Variants in SEMA6A observed in about 807,000 individuals in gnomAD.
SEMA6A encodes the protein semaphorin-6A.
A neutral mutation model predicts 96.8 loss-of-function variants in SEMA6A; 25 were observed. The observed-to-expected ratio is 0.26, with a 90% CI of 0.19 to 0.36. SEMA6A has a LOEUF of 0.36. SEMA6A is among the 10% of genes least tolerant of loss of function. The pLI is 1.00. For missense variants in SEMA6A, 1,363 were observed against 1,323.1 expected (o/e 1.03, Z -0.47); for synonymous variants, 612 against 518.0 (o/e 1.18, Z -2.46).
intron 9 of SEMA6A, among the ~76,000 whole-genome samples, chr5:116,487,818 T>G (rs180801854): frequency 5.3e-5 from 8 of 152,228 alleles, no homozygotes; most frequent in Non-Finnish European, 1.2e-4. Flanking sequence ...GAGCCGAGAT[T>G]GTACCACTGC....
intron 11 of SEMA6A, 56 bp downstream of exon 11, chr5:116,482,388 G>T: frequency 6.4e-7 from 1 of 1,564,822 alleles, no homozygotes; most frequent in Non-Finnish European, 8.7e-7. Context: ...ATTATCAGAG[G>T]TGCAAGCTTT....
intron 6 of SEMA6A, among the ~76,000 whole-genome samples, chr5:116,493,393 GGGCTAGACT>G (rs1757427944): frequency 1.3e-5 from 2 of 152,012 alleles, no homozygotes; most frequent in South Asian, 4.2e-4. Flanking sequence ...AGTAAATGCT[GGGCTAGACT>G]GGCTACCTCT....
chr5:116,446,115 T>C lies in SEMA6A; in HGVS notation c.*498A>G, dbSNP rs1215531397. On this transcript the variant is annotated 3_prime_UTR_variant, in exon 19 of 19. Transcript: ENST00000343348. ...AATTATCAATGAATTCTTTTTTTTT[T>C]GTCTTTTTAAATTTTCTTGATTTTA... The C allele has an allele frequency of 2.0e-5, 3 of 152,854 alleles. No homozygotes were observed. The allele number at this position is 152,854 out of a possible 1,614,324, so 9.5% of individuals were successfully genotyped here.
At chr5:116,562,510 C>CA in intron 1 of SEMA6A, 1 of 483,530 alleles carries the variant, frequency 2.1e-6, no homozygotes, top group Non-Finnish European at 3.9e-6. Flanking sequence ...TACTTTTAAT[C>CA]AAAAATAAGG....
At chr5:116,489,124 G>T (rs1757208104) in intron 7 of SEMA6A, 117 bp from the exon 8 acceptor site, 8 of 1,183,078 alleles carry the variant, frequency 6.8e-6, no homozygotes, top group South Asian at 2.0e-5. Context: ...TAGCACAACT[G>T]GGAAAAATCC....
rs1353827658 is a variant in SEMA6A at position 116,445,361 on chromosome 5, C to T, written c.*1252G>A. 1 of 152,614 alleles carries T rather than the reference C, an allele frequency of 6.6e-6. No homozygotes were observed. Among genetic ancestry groups the T allele is most frequent in the Non-Finnish European group, 1.5e-5 (1 of 68,044 alleles). 9.5% of individuals were successfully genotyped at this position (152,614 alleles called of 1,614,324 possible). On this transcript the variant is annotated 3_prime_UTR_variant, in exon 19 of 19. Coordinates refer to ENST00000343348, the MANE Select transcript of SEMA6A (RefSeq NM_020796.5). ...CACAGATGTAACCCCACGAAGAACC[C>T]GTGTGATCAAATCATTAATTTATGC...
intron 1 of SEMA6A, among the ~76,000 whole-genome samples, chr5:116,512,317 A>G (rs1758445091): frequency 6.6e-6 from 1 of 152,218 alleles, no homozygotes; most frequent in African/African-American, 2.4e-5. Flanking sequence ...CGGGCAAATG[A>G]GAAAAATAGC....
intron 17 of SEMA6A, chr5:116,471,571 G>A (rs551483495): frequency 1.6e-4 from 25 of 152,272 alleles, no homozygotes; most frequent in African/African-American, 6.0e-4. Context: ...TTTGCCTTCT[G>A]AGCAATTTTT....
At chr5:116,451,341 T>C (rs375041654) in intron 18 of SEMA6A, among the ~76,000 whole-genome samples, 2 of 152,178 alleles carry the variant, frequency 1.3e-5, no homozygotes, top group African/African-American at 4.8e-5. Flanking sequence ...TTGGATTCCA[T>C]TTGCTATTGG....
intron 1 of SEMA6A, among the ~76,000 whole-genome samples, chr5:116,548,688 C>G (rs1760283484): frequency 1.3e-5 from 2 of 152,120 alleles, no homozygotes; most frequent in Admixed American, 1.3e-4. Context: ...CAGATTAGAC[C>G]AAGTCAACAG....
intron 1 of SEMA6A, among the ~76,000 whole-genome samples, chr5:116,561,110 C>T (rs556656183): frequency 1.3e-5 from 2 of 152,290 alleles, no homozygotes; most frequent in East Asian, 3.9e-4. Context: ...AGGCAAATTA[C>T]TTGACCTCTT....
intron 1 of SEMA6A, among the ~76,000 whole-genome samples, chr5:116,540,647 A>G (rs1000229553): frequency 1.3e-5 from 2 of 152,160 alleles, no homozygotes; most frequent in African/African-American, 4.8e-5. Context: ...TTTGCTTGTA[A>G]TCAAGCATCC....
intron 18 of SEMA6A, among the ~76,000 whole-genome samples, chr5:116,462,781 G>A (rs181468762): frequency 1.3e-5 from 2 of 152,114 alleles, no homozygotes; most frequent in East Asian, 3.9e-4. Flanking sequence ...ATCTTCCCTG[G>A]ACTCCTTCAA....
chr5:116,512,570 T>A (rs1481638317), intron 1 of SEMA6A, among the ~76,000 whole-genome samples: 2 of 152,196 alleles, frequency 1.3e-5, no homozygotes, highest in Non-Finnish European at 2.9e-5. Flanking sequence ...TCGTAAGTAC[T>A]TCTAGAAAAA....
At position 116,470,929 on chromosome 5, in the gene SEMA6A, C is replaced by T. The variant is rs765289694; in HGVS notation, c.1729+2144G>A. ...CTTTCGATGCTACAAATACAGTGCC[C>T]AGTACAGTGCCTAGGACACAGTAGT... On this transcript the variant is annotated intron_variant, in intron 17 of 18. Coordinates refer to ENST00000343348, the MANE Select transcript of SEMA6A (RefSeq NM_020796.5). 2.0e-5 allele frequency among the ~76,000 whole-genome samples: 3 copies of T among 152,310 alleles called. No homozygotes were observed. In the South Asian group the frequency reaches 6.2e-4, roughly 32 times the overall value.
chr5:116,520,576 G>A (rs1172464030), intron 1 of SEMA6A, among the ~76,000 whole-genome samples: 1 of 152,144 alleles, frequency 6.6e-6, no homozygotes. Context: ...TATCTGAAGA[G>A]AAACCTAGAG....
chr5:116,465,570 T>C (rs532190708), intron 18 of SEMA6A, among the ~76,000 whole-genome samples: 26 of 152,270 alleles, frequency 1.7e-4, no homozygotes, highest in East Asian at 1.4e-3. Flanking sequence ...TCTGCCACCA[T>C]TGTTTGACAA....
intron 1 of SEMA6A, among the ~76,000 whole-genome samples, chr5:116,524,771 TACACACACACACACACAGAC>T (rs1361829381): frequency 2.4e-3 from 45 of 19,146 alleles, no homozygotes; most frequent in African/African-American, 4.4e-3. Flanking sequence ...TGGGTATGTA[TACACACACACACACACAGAC>T]ACACACACAC....
rs1754257863 is a variant in SEMA6A, at chr5:116,446,973, G to A, written c.2733C>T (p.Ser911=). Residue 911 remains serine (S), a synonymous_variant, in exon 19 of 19, where the codon TCC becomes TCT. Transcript: ENST00000343348. ...AGCTCCTCTTATAGTCAACCCCGTA[G>A]GAAGAGGAGTGGTGCATTTCCAGCC... The part of the protein sequence containing the change: ...SKRLEMHHSS[S]YGVDYKRSYP... The A allele has an allele frequency of 6.2e-7, 1 of 1,613,826 alleles. No individual in the cohort carries two copies. Among genetic ancestry groups the A allele is most frequent in the Non-Finnish European group, 8.5e-7 (1 of 1,179,886 alleles).
Sources: allele counts gnomAD v4.1 joint callset (sites outside exome capture counted in the v4.1 genomes callset), GRCh38; gene constraint gnomAD v4.1.1; transcripts MANE v1.5; gene names NCBI Gene and HGNC (gene_info 2026-07-23, HGNC 2026-07-21).